The following ADGRL3 variants were observed in gnomAD, a reference collection of about 807,000 sequenced individuals.
The protein encoded by ADGRL3 is adhesion G protein-coupled receptor L3, also known as calcium-independent alpha-latrotoxin receptor 3.
A neutral mutation model predicts 153.5 loss-of-function variants in ADGRL3; 62 were observed. The observed-to-expected ratio is 0.40, with a 90% confidence interval of 0.33 to 0.50. The LOEUF (loss-of-function observed/expected upper bound fraction) is 0.50. ADGRL3 is among the 20% of genes least tolerant of loss of function. The pLI, the probability that ADGRL3 is intolerant of heterozygous loss-of-function variation, is 0.47. For missense variants in ADGRL3, 1,641 were observed against 1,859.4 expected (o/e 0.88, Z 2.16); for synonymous variants, 710 against 672.5 (o/e 1.06, Z -0.86).
At chr4:62,010,264 G>A (rs2099179115) in intron 21 of ADGRL3, among the ~76,000 whole-genome samples, 1 of 151,980 alleles carries the variant, frequency 6.6e-6, no homozygotes. Flanking sequence ...TGCGAACGAG[G>A]CCCCATGCTG....
Position 61,648,936 on chromosome 4 carries a change from A to C in ADGRL3, c.474-27890A>C, listed in dbSNP as rs143445380. Among the ~76,000 whole-genome samples, 552 of 152,088 alleles carry C rather than the reference A, an allele frequency of 3.6e-3. 22 individuals are homozygous for C. Among genetic ancestry groups the C allele is most frequent in the Admixed American group, 0.031 (475 of 15,270 alleles). On this transcript the variant is annotated intron_variant, in intron 5 of 26. Coordinates refer to ENST00000683033, the MANE Select transcript of ADGRL3 (RefSeq NM_001387552.1). ...AGAACACAGTTTTCCATGACTTTGA[A>C]GTTATTCCTTTTCAGTATTTTCTAT... is the stretch of plus-strand genomic sequence containing the variant.
intron 5 of ADGRL3, among the ~76,000 whole-genome samples, chr4:61,672,022 A>T (rs2095024862): frequency 6.6e-6 from 1 of 152,172 alleles, no homozygotes; most frequent in Middle Eastern, 3.4e-3. Flanking sequence ...TCACTTGGTT[A>T]ATTGTTTTGT....
intron 4 of ADGRL3, among the ~76,000 whole-genome samples, chr4:61,562,446 T>C (rs1403207882): frequency 6.6e-6 from 1 of 152,234 alleles, no homozygotes; most frequent in Non-Finnish European, 1.5e-5. Flanking sequence ...CAGAAGAACT[T>C]CTTTCAAAAT....
intron 1 of ADGRL3, among the ~76,000 whole-genome samples, chr4:61,206,560 G>T (rs1737284476): frequency 2.0e-5 from 3 of 152,246 alleles, no homozygotes; most frequent in South Asian, 2.1e-4. Flanking sequence ...TTTCCAGAAG[G>T]TATATGATAT....
At chr4:61,938,611 CTG>C (rs1010737645) in intron 15 of ADGRL3, among the ~76,000 whole-genome samples, 2 of 152,110 alleles carry the variant, frequency 1.3e-5, no homozygotes, top group African/African-American at 4.8e-5. Context: ...CAAGTGAACT[CTG>C]TTGCAGTAAC....
At position 61,983,618 on chromosome 4, in the gene ADGRL3, T is replaced by C. The variant is rs775148005; in HGVS notation, c.3236+15T>C. 2 of 1,604,194 alleles carry C rather than the reference T, an allele frequency of 1.2e-6. No individual in the cohort carries two copies. Among genetic ancestry groups the C allele is most frequent in the Admixed American group, 1.7e-5 (1 of 59,330 alleles). On this transcript the variant is annotated intron_variant, in intron 19 of 26. Transcript: ENST00000683033. ...ACAGATAAAGTGTAAGTTTATTGTT[T>C]TCTTTCTTTTTAAATCTAGGTGAAA... is the stretch of plus-strand genomic sequence containing the variant.
At chr4:61,491,734 C>G (rs1009159980) in intron 2 of ADGRL3, among the ~76,000 whole-genome samples, 1 of 152,006 alleles carries the variant, frequency 6.6e-6, no homozygotes, top group Admixed American at 6.6e-5. Flanking sequence ...TTCTTTTCTC[C>G]ATACGTCAGT....
chr4:62,025,895 A>G (rs573133519), intron 21 of ADGRL3, among the ~76,000 whole-genome samples: 3 of 152,270 alleles, frequency 2.0e-5, no homozygotes, highest in East Asian at 1.9e-4. Flanking sequence ...TTATTCAGCT[A>G]TAGAAACTAG....
chr4:62,011,643 G>C (rs1479412270), intron 21 of ADGRL3, among the ~76,000 whole-genome samples: 2 of 152,016 alleles, frequency 1.3e-5, no homozygotes, highest in African/African-American at 2.4e-5. Context: ...TTTTAGCGTA[G>C]TATGTCTGGA....
chr4:61,795,023 A>G (rs1424827788), intron 8 of ADGRL3, among the ~76,000 whole-genome samples: 1 of 152,236 alleles, frequency 6.6e-6, no homozygotes, highest in Non-Finnish European at 1.5e-5. Context: ...GAATAATTTT[A>G]TGTCAGGCTA....
intron 2 of ADGRL3, among the ~76,000 whole-genome samples, chr4:61,467,201 T>A (rs946745632): frequency 7.9e-5 from 12 of 152,264 alleles, no homozygotes; most frequent in African/African-American, 2.4e-4. Context: ...GTGTAAACAT[T>A]AAAATGTTAA....
chr4:61,688,863 G>A (rs1012257684), intron 6 of ADGRL3, among the ~76,000 whole-genome samples: 5 of 152,266 alleles, frequency 3.3e-5, no homozygotes, highest in African/African-American at 1.2e-4. Flanking sequence ...TCTGTCATAC[G>A]ATTTAGCTCT....
chr4:61,706,160 G>A (rs780487927), intron 6 of ADGRL3, among the ~76,000 whole-genome samples: 2 of 152,168 alleles, frequency 1.3e-5, no homozygotes, highest in African/African-American at 2.4e-5. Flanking sequence ...GGTGGCTCAC[G>A]CTTGTAATCC....
Position 61,860,740 on chromosome 4 carries a change from T to C in ADGRL3, c.1481-31916T>C, listed in dbSNP as rs911643509. Among the ~76,000 whole-genome samples the C allele has an allele frequency of 2.0e-5, 3 of 152,200 alleles. No homozygotes were observed. The South Asian group carries it at 6.2e-4, about 32-fold the overall frequency. ...TTAATAGCTGCCATGAGAGTGCCTG[T>C]CATATGGCAATTACTCTTCTTTGTG... is the stretch of plus-strand genomic sequence containing the variant. On this transcript the variant is annotated intron_variant, in intron 9 of 26. Coordinates refer to ENST00000683033, the MANE Select transcript of ADGRL3 (RefSeq NM_001387552.1).
intron 6 of ADGRL3, among the ~76,000 whole-genome samples, chr4:61,704,209 C>A (rs1043998943): frequency 2.6e-5 from 4 of 152,108 alleles, no homozygotes; most frequent in Non-Finnish European, 5.9e-5. Flanking sequence ...ATCAGAGTCT[C>A]CCACTTACCA....
At chr4:61,232,387 C>A (rs1751049844) in intron 1 of ADGRL3, among the ~76,000 whole-genome samples, 2 of 151,430 alleles carry the variant, frequency 1.3e-5, no homozygotes, top group South Asian at 2.1e-4. Context: ...CGGCTCACTG[C>A]AACCTCCACC....
intron 9 of ADGRL3, among the ~76,000 whole-genome samples, chr4:61,877,771 G>A (rs552574694): frequency 2.4e-4 from 37 of 152,194 alleles, no homozygotes; most frequent in Admixed American, 1.8e-3. Flanking sequence ...TTGGCTCTGT[G>A]TCACCACCCA....
intron 1 of ADGRL3, among the ~76,000 whole-genome samples, chr4:61,268,265 A>T (rs1001660101): frequency 6.6e-6 from 1 of 151,694 alleles, no homozygotes; most frequent in Non-Finnish European, 1.5e-5. Flanking sequence ...TAAAGGAAAA[A>T]GTCCAATTTT....
intron 1 of ADGRL3, among the ~76,000 whole-genome samples, chr4:61,296,499 A>T (rs1283248190): frequency 2.6e-5 from 4 of 152,238 alleles, no homozygotes; most frequent in Non-Finnish European, 5.9e-5. Flanking sequence ...AAAAATCAGC[A>T]GTTGCCTTGC....
Sources: allele counts gnomAD v4.1 joint callset (sites outside exome capture counted in the v4.1 genomes callset), GRCh38; gene constraint gnomAD v4.1.1; transcripts MANE v1.5; gene names NCBI Gene and HGNC (gene_info 2026-07-23, HGNC 2026-07-21).